Variants in GIPC3 observed in about 807,000 individuals in gnomAD.
GIPC3 encodes the protein PDZ domain-containing protein GIPC3.
In GIPC3, 16 loss-of-function variants were observed where a neutral mutation model predicts 27.3. The observed-to-expected ratio is 0.59, with a 90% CI of 0.40 to 0.89. The LOEUF (loss-of-function observed/expected upper bound fraction) is 0.89. Among genes scored for constraint, GIPC3 ranks in the 40% least tolerant of loss-of-function variants. The pLI is 0.00. For missense variants in GIPC3, 440 were observed against 442.1 expected (o/e 1.00, Z 0.04); for synonymous variants, 194 against 184.6 (o/e 1.05, Z -0.41).
At chr19:3,585,891 C>G in intron 1 of GIPC3, 69 bp downstream of exon 1, 1 of 1,503,134 alleles carries the variant, frequency 6.7e-7, no homozygotes, top group Non-Finnish European at 8.9e-7. Context: ...AGCTTGGACC[C>G]TGGACGGGAG....
At position 3,585,654 on chromosome 19, in the gene GIPC3, G is replaced by T. The variant is rs754337950; in HGVS notation, c.57G>T (p.Ala19=). The T allele has an allele frequency of 1.6e-4, 200 of 1,219,268 alleles. 2 individuals are homozygous for T. In the South Asian group the frequency reaches 2.9e-3, roughly 18 times the overall value. The allele number at this position is 1,219,268 out of a possible 1,614,324, so 75.5% of individuals were successfully genotyped here. A position where few individuals can be genotyped will look rare whatever the true frequency, so the allele number is the denominator to read the frequency against. ...ARGTETPRAS[A]PPPAPSEPPA... is the part of the protein sequence containing the mutation. ...GGACCGAGACCCCGCGCGCGTCTGC[G>T]CCCCCGCCCGCGCCCTCGGAGCCCC... Residue 19 remains alanine, a synonymous_variant, in exon 1 of 6, where the codon GCG becomes GCT. Transcript: ENST00000644452.
Position 3,589,921 on chromosome 19 carries a change from C to T in GIPC3, c.787+9C>T, listed in dbSNP as rs765760364. On this transcript the variant is annotated intron_variant, in intron 5 of 5. Transcript: ENST00000644452. ...TCGGGACCCCGAGCTGGGTAAGGGG[C>T]CAGGGTAAGCCAGGGGGCCCTGGGG... 149 of 1,613,680 alleles carry T rather than the reference C, an allele frequency of 9.2e-5. 4 individuals are homozygous for T. In the East Asian group the frequency reaches 3.2e-3, roughly 35 times the overall value.
In GIPC3 at chr19:3,590,083, G is replaced by A. The variant is rs2032456657; in HGVS notation, c.832G>A (p.Glu278Lys). Residue 278 changes from glutamate to lysine, a missense_variant, in exon 6 of 6, where the codon GAG becomes AAG. Transcript: ENST00000644452. Reference protein sequence around the residue: ...ETSKKTASAQEFARCLDSVLG... With the variant: ...ETSKKTASAQKFARCLDSVLG... ...GTCCAAGAAGACAGCGAGCGCCCAG[G>A]AGTTTGCACGCTGTTTAGACTCCGT... is the stretch of plus-strand genomic sequence containing the variant. The A allele has an allele frequency of 6.2e-7, 1 of 1,611,492 alleles. No individual in the cohort carries two copies. Among genetic ancestry groups the A allele is most frequent in the Non-Finnish European group, 8.5e-7 (1 of 1,179,034 alleles).
intron 4 of GIPC3, 80 bp downstream of exon 4, chr19:3,589,635 C>G: frequency 7.7e-7 from 1 of 1,302,436 alleles, no homozygotes; most frequent in East Asian, 2.3e-5. Context: ...TGGGTAAGAA[C>G]TTCTCCTCGG....
chr19:3,590,003 T>G, intron 5 of GIPC3, 36 bp from the exon 6 acceptor site: 1 of 1,612,588 alleles, frequency 6.2e-7, no homozygotes, highest in Non-Finnish European at 8.5e-7. Flanking sequence ...GCGCGGGGAG[T>G]GCCCTCACTG....
Position 3,592,043 on chromosome 19 carries a change from A to G in GIPC3, c.*1853A>G, listed in dbSNP as rs2032494871. 1 of 1,232,014 alleles carries G rather than the reference A, an allele frequency of 8.1e-7. No homozygotes were observed. The highest frequency in any genetic ancestry group is 4.2e-5 in the Admixed American group (1 of 23,692). 76.3% of individuals were successfully genotyped at this position (1,232,014 alleles called of 1,614,324 possible). Reference sequence around the variant, plus strand: ...CTGAAATCCCAGCCAGCTCCAAAACACAGACAGCAGCTGAGACCCAGCCAA... The same window carrying G: ...CTGAAATCCCAGCCAGCTCCAAAACGCAGACAGCAGCTGAGACCCAGCCAA... On this transcript the variant is annotated 3_prime_UTR_variant, in exon 6 of 6. Coordinates refer to ENST00000644452, the MANE Select transcript of GIPC3 (RefSeq NM_133261.3).
rs927447565 is a variant in GIPC3 at position 3,585,550 on chromosome 19, C to CCGGCGG, written c.-39_-34dup. On this transcript the variant is annotated 5_prime_UTR_variant, in exon 1 of 6. Transcript: ENST00000644452. ...GGGGAGGCTGCAGGAAGCGGCGGATCCGGCGGCGGCGGCGAGGGCCCGGGT... is the reference window on the plus strand; with the variant it reads ...GGGGAGGCTGCAGGAAGCGGCGGATCCGGCGGCGGCGGCGGCGGCGAGGGCCCGGGT... 1 of 1,130,416 alleles carries CCGGCGG rather than the reference C, an allele frequency of 8.8e-7. No homozygotes were observed. The highest frequency in any genetic ancestry group is 1.6e-5 in the African/African-American group (1 of 60,784). 70.0% of individuals were successfully genotyped at this position (1,130,416 alleles called of 1,614,324 possible).
chr19:3,590,040 GT>G lies in GIPC3; in HGVS notation c.790del (p.Ser264ProfsTer20), dbSNP rs1568278855. On this transcript the variant is annotated frameshift_variant and splice_region_variant, in exon 6 of 6. Coordinates refer to ENST00000644452, the MANE Select transcript of GIPC3 (RefSeq NM_133261.3). LOFTEE classifies it high-confidence loss of function. Reference sequence around the variant, plus strand: ...CATCCCCTCTGGCACGGCCCGCAGCGTCCACCATGGTGGAGACGTCCAAGAA... The same window carrying G: ...CATCCCCTCTGGCACGGCCCGCAGCGCCACCATGGTGGAGACGTCCAAGAA... ...YMGIRDPELA[S>X]TMVETSKKTA... is the part of the protein sequence containing the mutation. 3 of 1,612,266 alleles carry G rather than the reference GT, an allele frequency of 1.9e-6. No homozygotes were observed. The highest frequency in any genetic ancestry group is 3.4e-5 in the Admixed American group (2 of 59,640).
At chr19:3,586,148 C>A (rs1269480722) in intron 1 of GIPC3, among the ~76,000 whole-genome samples, 1 of 152,208 alleles carries the variant, frequency 6.6e-6, no homozygotes, top group Non-Finnish European at 1.5e-5. Flanking sequence ...TAGCTGGGGT[C>A]TGGGGTTCCA....
chr19:3,592,426 T>C lies in GIPC3; in HGVS notation c.*2236T>C, dbSNP rs912092796. 6.5e-6 allele frequency: 8 copies of C among 1,231,674 alleles called. No individual in the cohort carries two copies. Among genetic ancestry groups the C allele is most frequent in the Admixed American group, 4.2e-5 (1 of 23,676 alleles). 76.3% of individuals were successfully genotyped at this position (1,231,674 alleles called of 1,614,324 possible). A position where few individuals can be genotyped will look rare whatever the true frequency, so the allele number is the denominator to read the frequency against. ...AGTCAGCTTAGTTCGGGAACCCAGCTGATTTCCGGAGCCCAACCCAGCTCC... is the reference window on the plus strand; with the variant it reads ...AGTCAGCTTAGTTCGGGAACCCAGCCGATTTCCGGAGCCCAACCCAGCTCC... On this transcript the variant is annotated 3_prime_UTR_variant, in exon 6 of 6. Coordinates refer to ENST00000644452, the MANE Select transcript of GIPC3 (RefSeq NM_133261.3).
In GIPC3 at chr19:3,589,489, G is replaced by T. The variant is rs371566042; in HGVS notation, c.639G>T (p.Ala213=). The T allele has an allele frequency of 6.2e-7, 1 of 1,614,070 alleles. No homozygotes were observed. The highest frequency in any genetic ancestry group is 8.5e-7 in the Non-Finnish European group (1 of 1,180,022). ...GGTCCAGCAAATGTCCAGTAGAGGCGAAAGTGACCAGCGGGAGGGAGACCC... is the reference window on the plus strand; with the variant it reads ...GGTCCAGCAAATGTCCAGTAGAGGCTAAAGTGACCAGCGGGAGGGAGACCC... ...RSRSSKCPVE[A]KVTSGRETLR... Residue 213 remains alanine, a synonymous_variant, in exon 4 of 6, where the codon GCG becomes GCT. Transcript: ENST00000644452.
At position 3,590,193 on chromosome 19, in the gene GIPC3, T is replaced by TG. The variant is rs2032461056; in HGVS notation, c.*4dup. 6.3e-7 allele frequency: 1 copy of TG among 1,589,404 alleles called. No individual in the cohort carries two copies. The highest frequency in any genetic ancestry group is 8.6e-7 in the Non-Finnish European group (1 of 1,169,200). The stretch of plus-strand genomic sequence containing the variant: ...AGGCCAGAGAGGCCTGTGGCTAGTT[T>TG]GCCCTGGGGGGGCCCAGCACAGCCC... On this transcript the variant is annotated 3_prime_UTR_variant, in exon 6 of 6. Coordinates refer to ENST00000644452, the MANE Select transcript of GIPC3 (RefSeq NM_133261.3).
chr19:3,586,420 G>A (rs1434627544), intron 1 of GIPC3, 75 bp from the exon 2 acceptor site: 1 of 1,353,928 alleles, frequency 7.4e-7, no homozygotes. Context: ...TGGGGGCAGG[G>A]GCCTGCGCAG....
chr19:3,589,785 G>C (rs748098027), intron 4 of GIPC3, 46 bp from the exon 5 acceptor site: 10 of 1,588,546 alleles, frequency 6.3e-6, no homozygotes, highest in South Asian at 4.4e-5. Context: ...TGGGCTGGAG[G>C]GCTCCAAAGC....
rs78989071 is a variant in GIPC3 at position 3,592,047 on chromosome 19, A to G, written c.*1857A>G. 1.5e-5 allele frequency: 19 copies of G among 1,232,020 alleles called. No homozygotes were observed. The East Asian group carries it at 6.0e-4, about 39-fold the overall frequency. 76.3% of individuals were successfully genotyped at this position (1,232,020 alleles called of 1,614,324 possible). ...AATCCCAGCCAGCTCCAAAACACAG[A>G]CAGCAGCTGAGACCCAGCCAAGTTC... On this transcript the variant is annotated 3_prime_UTR_variant, in exon 6 of 6. Transcript: ENST00000644452.
chr19:3,588,574 C>T (rs2032419319), intron 3 of GIPC3, among the ~76,000 whole-genome samples: 1 of 148,544 alleles, frequency 6.7e-6, no homozygotes, highest in Non-Finnish European at 1.5e-5. Context: ...TGGCTCACAC[C>T]TGTAATCCCA....
intron 3 of GIPC3, among the ~76,000 whole-genome samples, chr19:3,588,455 T>C (rs2032416494): frequency 6.6e-6 from 1 of 152,044 alleles, no homozygotes; most frequent in South Asian, 2.1e-4. Flanking sequence ...CCAGCACACA[T>C]GGAGAGACGT....
chr19:3,592,588 C>G lies in GIPC3; in HGVS notation c.*2398C>G. 8.1e-7 allele frequency: 1 copy of G among 1,231,992 alleles called. No individual in the cohort carries two copies. Among genetic ancestry groups the G allele is most frequent in the Non-Finnish European group, 1.0e-6 (1 of 987,980 alleles). 76.3% of individuals were successfully genotyped at this position (1,231,992 alleles called of 1,614,324 possible). A position where few individuals can be genotyped will look rare whatever the true frequency, so the allele number is the denominator to read the frequency against. On this transcript the variant is annotated 3_prime_UTR_variant, in exon 6 of 6. Transcript: ENST00000644452. ...ACCAGGCTCAGCTCTGAGGCTCAGT[C>G]CAGCTCTGGAACCCAGTTCAGTTCT...
At chr19:3,587,913 T>G (rs550646375) in intron 3 of GIPC3, among the ~76,000 whole-genome samples, 1 of 151,904 alleles carries the variant, frequency 6.6e-6, no homozygotes, top group African/African-American at 2.4e-5. Flanking sequence ...ACGGTCTCGA[T>G]CTCCTGACCT....
Sources: gnomAD v4.1 joint callset for allele counts (sites outside exome capture counted in the v4.1 genomes callset) on GRCh38, gnomAD v4.1.1 for gene constraint, MANE v1.5 for transcripts, NCBI Gene and HGNC (gene_info 2026-07-23, HGNC 2026-07-21) for gene names.